SDK1: variants seen among roughly 807,000 people sequenced by gnomAD.
SDK1 encodes sidekick cell adhesion molecule 1, also known as protein sidekick-1.
In SDK1, 157 loss-of-function variants were observed where a neutral mutation model predicts 245.5. The ratio of observed to expected loss-of-function variants is 0.64; its 90% CI spans 0.56 to 0.73. The LOEUF (loss-of-function observed/expected upper bound fraction) is 0.73, where lower values mean the gene tolerates loss of function less well. SDK1 is among the 30% of genes least tolerant of loss of function. SDK1 has a pLI of 0.00. For synonymous variants in SDK1, 1,647 were observed against 1,278.5 expected, an observed-to-expected ratio of 1.29 and a Z score of -6.15; for missense variants, 3,583 against 3,002.3, an observed-to-expected ratio of 1.19 and a Z score of -4.52.
intron 13 of SDK1, among the ~76,000 whole-genome samples, chr7:3,986,086 G>C (rs1210565108): frequency 6.6e-6 from 1 of 152,036 alleles, no homozygotes; most frequent in Non-Finnish European, 1.5e-5. Flanking sequence ...GAGACGTGAA[G>C]GTTCAGTACA....
chr7:3,405,168 AAAC>A (rs1312781915), intron 1 of SDK1, among the ~76,000 whole-genome samples: 3 of 143,328 alleles, frequency 2.1e-5, no homozygotes, highest in Non-Finnish European at 4.5e-5. Context: ...CCAAAAAAAA[AAAC>A]AAAAACAAAA....
chr7:3,494,794 C>A (rs1303060619), intron 1 of SDK1, among the ~76,000 whole-genome samples: 2 of 152,152 alleles, frequency 1.3e-5, no homozygotes, highest in Non-Finnish European at 2.9e-5. Context: ...GTTGATTATG[C>A]TGTGTAACTG....
chr7:3,602,602 A>C (rs561618448), intron 1 of SDK1, among the ~76,000 whole-genome samples: 2 of 151,768 alleles, frequency 1.3e-5, no homozygotes, highest in Non-Finnish European at 2.9e-5. Flanking sequence ...GTAGGTTGCA[A>C]AAATTTTCTC....
At chr7:4,254,344 A>G (rs10951486) in intron 44 of SDK1, among the ~76,000 whole-genome samples, 42,458 of 151,944 alleles carry the variant, frequency 0.28, 6,179 homozygotes, top group African/African-American at 0.34. Context: ...CGTAATCTCT[A>G]TCAATCTATC....
intron 14 of SDK1, among the ~76,000 whole-genome samples, chr7:4,008,362 T>A (rs993405457): frequency 2.6e-5 from 4 of 152,366 alleles, no homozygotes; most frequent in African/African-American, 9.6e-5. Context: ...AAAAGATTCT[T>A]AGCAAAGCAA....
At position 3,557,470 on chromosome 7, in the gene SDK1, G is replaced by A. The variant is rs1048097029; in HGVS notation, c.299-61610G>A. Among the ~76,000 whole-genome samples, 5 of 152,134 alleles carry A rather than the reference G, an allele frequency of 3.3e-5. No homozygotes were observed. In the East Asian group the frequency reaches 7.7e-4, roughly 23 times the overall value. ...ATGGTCACAAAAGAGCAAGACCAGG[G>A]GTCCTGATGGCAATAGAAATGTTCA... On this transcript the variant is annotated intron_variant, in intron 1 of 44. Transcript: ENST00000404826.
At chr7:3,335,262 A>T (rs931617789) in intron 1 of SDK1, among the ~76,000 whole-genome samples, 16 of 152,182 alleles carry the variant, frequency 1.1e-4, no homozygotes, top group Non-Finnish European at 1.2e-4. Context: ...GTGGCCTACA[A>T]GGTTCTGTGT....
At chr7:3,746,559 T>C (rs1311265393) in intron 4 of SDK1, among the ~76,000 whole-genome samples, 1 of 152,242 alleles carries the variant, frequency 6.6e-6, no homozygotes, top group African/African-American at 2.4e-5. Flanking sequence ...ACTAAGAGTA[T>C]GTAATGTTCT....
At chr7:3,377,017 C>G (rs949717548) in intron 1 of SDK1, among the ~76,000 whole-genome samples, 6 of 152,148 alleles carry the variant, frequency 3.9e-5, no homozygotes, top group African/African-American at 7.2e-5. Flanking sequence ...TGCCAACTCT[C>G]TATTCTGAAA....
intron 19 of SDK1, among the ~76,000 whole-genome samples, chr7:4,054,408 C>T (rs998480741): frequency 5.3e-5 from 8 of 152,122 alleles, no homozygotes; most frequent in South Asian, 2.1e-4. Context: ...TTCACAGATC[C>T]GATTTGGGTT....
chr7:3,608,603 G>T (rs1406571899), intron 1 of SDK1, among the ~76,000 whole-genome samples: 1 of 152,032 alleles, frequency 6.6e-6, no homozygotes, highest in Non-Finnish European at 1.5e-5. Context: ...TGATGAGATA[G>T]GTAGCTGTGT....
At chr7:4,240,182 CT>C (rs1786431050) in intron 42 of SDK1, among the ~76,000 whole-genome samples, 1 of 152,188 alleles carries the variant, frequency 6.6e-6, no homozygotes, top group Non-Finnish European at 1.5e-5. Flanking sequence ...AATCTCCCTG[CT>C]TTTCACTGTC....
At chr7:3,716,543 T>C (rs1785206592) in intron 4 of SDK1, among the ~76,000 whole-genome samples, 1 of 152,074 alleles carries the variant, frequency 6.6e-6, no homozygotes, top group Non-Finnish European at 1.5e-5. Flanking sequence ...GAGGATTGCT[T>C]GAGGCCAGGA....
At chr7:4,038,575 A>G (rs1164266130) in intron 17 of SDK1, among the ~76,000 whole-genome samples, 1 of 152,226 alleles carries the variant, frequency 6.6e-6, no homozygotes, top group African/African-American at 2.4e-5. Flanking sequence ...TAATGGTATT[A>G]TTCGAAAGCG....
chr7:3,926,465 T>C (rs1452160454), intron 5 of SDK1, among the ~76,000 whole-genome samples: 1 of 152,182 alleles, frequency 6.6e-6, no homozygotes. Context: ...TGAAATTGTT[T>C]TTATTTTATT....
At chr7:3,839,580 C>CA (rs917547437) in intron 5 of SDK1, among the ~76,000 whole-genome samples, 3 of 151,792 alleles carry the variant, frequency 2.0e-5, no homozygotes, top group Non-Finnish European at 2.9e-5. Context: ...TTTATAAAAA[C>CA]AAAAAAATAG....
chr7:3,475,429 T>G lies in SDK1; in HGVS notation c.299-143651T>G, dbSNP rs560291934. Among the ~76,000 whole-genome samples, 4 of 152,352 alleles carry G rather than the reference T, an allele frequency of 2.6e-5. No individual in the cohort carries two copies. In the South Asian group the frequency reaches 8.3e-4, roughly 32 times the overall value. On this transcript the variant is annotated intron_variant, in intron 1 of 44. Coordinates refer to ENST00000404826, the MANE Select transcript of SDK1 (RefSeq NM_152744.4). ...TGTGGGGCTCCTCCAGAGCAGCGTT[T>G]CCACCCTTGGAGCACGTCTCTCTCA...
chr7:3,713,741 A>C (rs1785118477), intron 4 of SDK1, among the ~76,000 whole-genome samples: 1 of 152,248 alleles, frequency 6.6e-6, no homozygotes, highest in South Asian at 2.1e-4. Context: ...TACTCCCTTC[A>C]AAAGGAAAAC....
chr7:3,739,986 G>A (rs998135131), intron 4 of SDK1, among the ~76,000 whole-genome samples: 1 of 152,184 alleles, frequency 6.6e-6, no homozygotes, highest in Non-Finnish European at 1.5e-5. Context: ...TTCTATGTAT[G>A]TTTAGCCTCT....
Sources: gnomAD v4.1 joint callset for allele counts (sites outside exome capture counted in the v4.1 genomes callset) on GRCh38, gnomAD v4.1.1 for gene constraint, MANE v1.5 for transcripts, NCBI Gene and HGNC (gene_info 2026-07-23, HGNC 2026-07-21) for gene names.